USP34: variants seen among roughly 807,000 people sequenced by gnomAD.
The protein encoded by USP34 is ubiquitin specific peptidase 34, also known as ubiquitin carboxyl-terminal hydrolase 34.
In USP34, 70 loss-of-function variants were observed where a neutral mutation model predicts 460.3. That is an observed-to-expected ratio of 0.15 (90% CI 0.13 to 0.19). The LOEUF is 0.19. Among genes scored for constraint, USP34 ranks in the 10% least tolerant of loss-of-function variants. The pLI is 1.00. For synonymous variants in USP34, 1,647 were observed against 1,405.3 expected (o/e 1.17, Z -3.85); for missense variants, 3,985 against 4,236.2 (o/e 0.94, Z 1.65).
At chr2:61,217,271 G>A (rs181807951) in intron 67 of USP34, among the ~76,000 whole-genome samples, 98 of 152,306 alleles carry the variant, frequency 6.4e-4, no homozygotes, top group African/African-American at 2.2e-3. Context: ...CCTGGATCTA[G>A]TTGTATGCTA....
At chr2:61,348,707 G>C (rs749050007) in intron 14 of USP34, 49 bp downstream of exon 14, 1 of 1,579,410 alleles carries the variant, frequency 6.3e-7, no homozygotes, top group Non-Finnish European at 8.6e-7. Flanking sequence ...TGATAAACAC[G>C]CCAGAAAGCC....
intron 41 of USP34, among the ~76,000 whole-genome samples, chr2:61,272,228 G>A (rs1053555870): frequency 6.6e-5 from 10 of 152,010 alleles, no homozygotes; most frequent in African/African-American, 2.4e-4. Flanking sequence ...TGGCTAACAT[G>A]GTGAAACCCT....
chr2:61,433,111 C>G (rs1694723329), intron 1 of USP34, among the ~76,000 whole-genome samples: 1 of 152,176 alleles, frequency 6.6e-6, no homozygotes, highest in Admixed American at 6.5e-5. Context: ...TAAGATCTGA[C>G]AGGTGTGTCA....
chr2:61,221,040 G>T (rs1687567800), intron 66 of USP34, among the ~76,000 whole-genome samples: 1 of 152,188 alleles, frequency 6.6e-6, no homozygotes, highest in Admixed American at 6.5e-5. Flanking sequence ...AGTTTCAACA[G>T]ACACTGTATG....
intron 19 of USP34, among the ~76,000 whole-genome samples, chr2:61,331,605 A>G (rs144302871): frequency 1.9e-4 from 29 of 152,188 alleles, no homozygotes; most frequent in African/African-American, 6.7e-4. Context: ...TGCCTGTGAA[A>G]GTACTATTAT....
intron 33 of USP34, 107 bp downstream of exon 33, chr2:61,293,357 C>A (rs1689921000): frequency 1.4e-6 from 1 of 718,264 alleles, no homozygotes; most frequent in Admixed American, 2.9e-5. Flanking sequence ...ATATTCCATA[C>A]TTTATTATAA....
At chr2:61,377,623 T>G (rs535025986) in intron 8 of USP34, among the ~76,000 whole-genome samples, 1 of 151,902 alleles carries the variant, frequency 6.6e-6, no homozygotes. Context: ...CCATCTACAG[T>G]CCAGAAGAAG....
At chr2:61,270,168 TG>T (rs1411213907) in intron 41 of USP34, among the ~76,000 whole-genome samples, 1 of 152,188 alleles carries the variant, frequency 6.6e-6, no homozygotes, top group Non-Finnish European at 1.5e-5. Context: ...TATTAGAAGG[TG>T]GGACCTTTGG....
At chr2:61,334,267 T>G (rs895032668) in intron 18 of USP34, among the ~76,000 whole-genome samples, 2 of 152,288 alleles carry the variant, frequency 1.3e-5, no homozygotes, top group East Asian at 3.9e-4. Flanking sequence ...TATTTCTTCA[T>G]AAGTCATTAC....
intron 23 of USP34, among the ~76,000 whole-genome samples, chr2:61,317,333 C>T (rs1690780138): frequency 6.6e-6 from 1 of 152,076 alleles, no homozygotes; most frequent in Non-Finnish European, 1.5e-5. Context: ...GCAAGACCAG[C>T]CTGAGTAACA....
intron 1 of USP34, among the ~76,000 whole-genome samples, chr2:61,462,854 T>A (rs1210969699): frequency 7.8e-6 from 1 of 127,412 alleles, no homozygotes; most frequent in Non-Finnish European, 1.7e-5. Context: ...AGAGGGAAAC[T>A]GTTTCCCAAA....
intron 18 of USP34, among the ~76,000 whole-genome samples, chr2:61,335,390 C>G (rs1275623266): frequency 6.6e-6 from 1 of 152,144 alleles, no homozygotes; most frequent in Non-Finnish European, 1.5e-5. Flanking sequence ...CTGAAAATTT[C>G]AAATACCAAA....
chr2:61,345,689 T>C (rs191544638), intron 15 of USP34, among the ~76,000 whole-genome samples: 4 of 152,324 alleles, frequency 2.6e-5, no homozygotes, highest in Admixed American at 6.5e-5. Context: ...GGCTGAAGTG[T>C]AGTGGTGCAA....
chr2:61,303,241 A>G (rs1463025020), intron 27 of USP34, among the ~76,000 whole-genome samples: 2 of 151,886 alleles, frequency 1.3e-5, no homozygotes, highest in Admixed American at 6.6e-5. Context: ...TAATTTTTGT[A>G]TTTTTAGTAG....
intron 41 of USP34, among the ~76,000 whole-genome samples, chr2:61,267,453 T>G (rs1444478981): frequency 1.3e-5 from 2 of 151,964 alleles, no homozygotes; most frequent in Non-Finnish European, 2.9e-5. Context: ...ATTTTTTTTT[T>G]TTTTTTGGAG....
At chr2:61,244,172 T>C (rs957804499) in intron 51 of USP34, among the ~76,000 whole-genome samples, 1 of 152,164 alleles carries the variant, frequency 6.6e-6, no homozygotes, top group Non-Finnish European at 1.5e-5. Flanking sequence ...ACAACTTTAT[T>C]TGGGCTAATC....
intron 10 of USP34, among the ~76,000 whole-genome samples, chr2:61,357,162 G>C (rs1361771875): frequency 6.6e-6 from 1 of 152,142 alleles, no homozygotes; most frequent in Non-Finnish European, 1.5e-5. Context: ...GTACATGTGG[G>C]ACATGTTCCA....
intron 3 of USP34, among the ~76,000 whole-genome samples, chr2:61,396,253 T>G (rs892717816): frequency 2.6e-5 from 4 of 152,164 alleles, no homozygotes; most frequent in Non-Finnish European, 5.9e-5. Flanking sequence ...AAAAGCACAG[T>G]TATCCATTGT....
chr2:61,247,280 G>A (rs565687855), intron 49 of USP34, among the ~76,000 whole-genome samples: 34 of 152,296 alleles, frequency 2.2e-4, no homozygotes, highest in Admixed American at 1.8e-3. Context: ...GCTGACTTGA[G>A]GGTACAGTCT....
Sources: allele counts gnomAD v4.1 joint callset (sites outside exome capture counted in the v4.1 genomes callset), GRCh38; gene constraint gnomAD v4.1.1; transcripts MANE v1.5; gene names NCBI Gene and HGNC (gene_info 2026-07-23, HGNC 2026-07-21).